Variants in CACNB4 observed in about 807,000 individuals in gnomAD.
CACNB4 encodes calcium voltage-gated channel auxiliary subunit beta 4.
Under a neutral mutation model 71.2 loss-of-function variants are expected in CACNB4, and 32 were observed. The observed-to-expected ratio is 0.45, with a 90% CI of 0.34 to 0.60. CACNB4 has a LOEUF of 0.60. CACNB4 is among the 20% of genes least tolerant of loss of function. The probability of loss-of-function intolerance (pLI) is 0.01; values close to 1 mark genes in which losing one functional copy is unlikely to be tolerated. For missense variants in CACNB4, 464 were observed against 647.9 expected (o/e 0.72, Z 3.08); for synonymous variants, 231 against 236.9 (o/e 0.97, Z 0.23).
intron 2 of CACNB4, among the ~76,000 whole-genome samples, chr2:151,903,475 C>A (rs986037059): frequency 1.3e-5 from 2 of 152,016 alleles, no homozygotes; most frequent in Admixed American, 1.3e-4. Flanking sequence ...GCCAAGACTG[C>A]GCCACAGCAC....
chr2:151,841,952 A>G lies in CACNB4; in HGVS notation c.1253T>C (p.Leu418Ser). The change falls in exon 13 of 14, where the codon TTG (leucine) becomes TCG (serine). Residue 418 changes from leucine (L) to serine (S), a missense_variant. Coordinates refer to ENST00000539935, the MANE Select transcript of CACNB4 (RefSeq NM_000726.5). ...TPMTPLLGRN[L>S]GSTALSPYPT... Reference sequence around the variant, plus strand: ...ATATGGTGAGAGTGCCGTGGAGCCCAAATTCCTTCCCAGCAGCGGGGTCAT... The same window carrying G: ...ATATGGTGAGAGTGCCGTGGAGCCCGAATTCCTTCCCAGCAGCGGGGTCAT... 3 of 1,613,938 alleles carry G rather than the reference A, an allele frequency of 1.9e-6. No individual in the cohort carries two copies. The highest frequency in any genetic ancestry group is 2.5e-6 in the Non-Finnish European group (3 of 1,179,872).
At chr2:152,067,512 G>C (rs919668891) in intron 2 of CACNB4, among the ~76,000 whole-genome samples, 4 of 152,084 alleles carry the variant, frequency 2.6e-5, no homozygotes, top group Non-Finnish European at 4.4e-5. Context: ...TGCCCAGCCT[G>C]ATAATGTATT....
At chr2:152,080,594 G>C (rs1036433840) in intron 2 of CACNB4, among the ~76,000 whole-genome samples, 4 of 152,162 alleles carry the variant, frequency 2.6e-5, no homozygotes, top group African/African-American at 9.7e-5. Flanking sequence ...AGAAAGTTCA[G>C]ACTCAAATCA....
chr2:152,044,621 T>C (rs1211614257), intron 2 of CACNB4, among the ~76,000 whole-genome samples: 1 of 152,234 alleles, frequency 6.6e-6, no homozygotes, highest in Non-Finnish European at 1.5e-5. Context: ...CACATCCTAA[T>C]AATTAAAAAC....
intron 2 of CACNB4, among the ~76,000 whole-genome samples, chr2:152,084,085 G>A (rs529712029): frequency 3.3e-5 from 5 of 152,142 alleles, no homozygotes; most frequent in Non-Finnish European, 5.9e-5. Context: ...ACATCAGTTC[G>A]TGTGGGTCGA....
intron 9 of CACNB4, among the ~76,000 whole-genome samples, chr2:151,862,799 G>A (rs2099842069): frequency 6.6e-6 from 1 of 152,212 alleles, no homozygotes; most frequent in Admixed American, 6.5e-5. Context: ...TGGGTATCGG[G>A]CCAGTGCCAA....
rs1398742015 is a variant in CACNB4 at position 151,837,214 on chromosome 2, A to C, written c.*1905T>G. The C allele has an allele frequency of 6.6e-6, 1 of 151,990 alleles. No individual in the cohort carries two copies. Among genetic ancestry groups the C allele is most frequent in the Non-Finnish European group, 1.5e-5 (1 of 67,886 alleles). The allele number at this position is 151,990 out of a possible 1,614,324, so 9.4% of individuals were successfully genotyped here. A position where few individuals can be genotyped will look rare whatever the true frequency, so the allele number is the denominator to read the frequency against. The stretch of plus-strand genomic sequence containing the variant: ...TCTCACAAGCCAGTATCACATGTTA[A>C]CTTTTAAAATTTACTAAGCCCATAT... On this transcript the variant is annotated 3_prime_UTR_variant, in exon 14 of 14. Transcript: ENST00000539935.
rs553172842 is a variant in CACNB4, at chr2:151,892,222, C to T, written c.148-8852G>A. 5.3e-4 allele frequency among the ~76,000 whole-genome samples: 80 copies of T among 152,230 alleles called. No homozygotes were observed. In the South Asian group the frequency reaches 6.4e-3, roughly 12 times the overall value. ...TGAGAGACGCTTTCTTCTCACATGG[C>T]CCCCAGAGTGGTTTACAAAGCAGCA... On this transcript the variant is annotated intron_variant, in intron 2 of 13. Transcript: ENST00000539935.
At chr2:151,944,482 G>A (rs1167738350) in intron 2 of CACNB4, among the ~76,000 whole-genome samples, 1 of 152,140 alleles carries the variant, frequency 6.6e-6, no homozygotes, top group Non-Finnish European at 1.5e-5. Context: ...TTAAACAGGA[G>A]AGAGACATGA....
At chr2:151,930,032 G>T (rs180733720) in intron 2 of CACNB4, among the ~76,000 whole-genome samples, 1 of 152,038 alleles carries the variant, frequency 6.6e-6, no homozygotes, top group East Asian at 1.9e-4. Flanking sequence ...AAATAAATTC[G>T]TGATAAAGAC....
At chr2:151,912,545 T>C (rs1304617156) in intron 2 of CACNB4, among the ~76,000 whole-genome samples, 1 of 152,260 alleles carries the variant, frequency 6.6e-6, no homozygotes, top group Non-Finnish European at 1.5e-5. Flanking sequence ...TTTCTTATGA[T>C]TTCAGTTCTT....
intron 13 of CACNB4, among the ~76,000 whole-genome samples, chr2:151,840,826 C>T (rs2099836017): frequency 6.6e-6 from 1 of 152,172 alleles, no homozygotes; most frequent in South Asian, 2.1e-4. Flanking sequence ...CATCATGATA[C>T]AAGAGGGCTC....
At chr2:152,004,758 G>A (rs1682630751) in intron 2 of CACNB4, among the ~76,000 whole-genome samples, 1 of 152,214 alleles carries the variant, frequency 6.6e-6, no homozygotes, top group African/African-American at 2.4e-5. Flanking sequence ...TGGGGATAGG[G>A]GAGGAGTCAG....
At chr2:151,877,798 T>C (rs551140035) in intron 4 of CACNB4, among the ~76,000 whole-genome samples, 58 of 152,216 alleles carry the variant, frequency 3.8e-4, no homozygotes, top group Non-Finnish European at 7.5e-4. Flanking sequence ...TTAAGTTAAG[T>C]TCCATGACAA....
At chr2:151,998,315 C>CAAAAAAAAAAAAAAA (rs70974815) in intron 2 of CACNB4, among the ~76,000 whole-genome samples, 3 of 110,702 alleles carry the variant, frequency 2.7e-5, no homozygotes, top group Admixed American at 8.8e-5. Context: ...ACTCCATCTC[C>CAAAAAAAAAAAAAAA]AAAAAAAAAA....
intron 2 of CACNB4, among the ~76,000 whole-genome samples, chr2:151,947,141 G>A (rs2099865794): frequency 6.6e-6 from 1 of 152,196 alleles, no homozygotes; most frequent in Non-Finnish European, 1.5e-5. Flanking sequence ...CAGAAGGAGA[G>A]CCCTCCACAG....
At chr2:151,901,134 C>T (rs1214986506) in intron 2 of CACNB4, among the ~76,000 whole-genome samples, 1 of 151,938 alleles carries the variant, frequency 6.6e-6, no homozygotes, top group East Asian at 1.9e-4. Context: ...GATGGAACTA[C>T]AGGTGTGTGC....
chr2:152,052,878 AG>A (rs1685519711), intron 2 of CACNB4, among the ~76,000 whole-genome samples: 1 of 151,936 alleles, frequency 6.6e-6, no homozygotes, highest in South Asian at 2.1e-4. Context: ...GCTACTTGGG[AG>A]GCTGAGGCAG....
chr2:151,958,820 G>A (rs369352105), intron 2 of CACNB4, among the ~76,000 whole-genome samples: 1 of 152,056 alleles, frequency 6.6e-6, no homozygotes, highest in Non-Finnish European at 1.5e-5. Context: ...CCACTTTCCA[G>A]TTTAAAAATC....
Sources: allele counts gnomAD v4.1 joint callset (sites outside exome capture counted in the v4.1 genomes callset), GRCh38; gene constraint gnomAD v4.1.1; transcripts MANE v1.5; gene names NCBI Gene and HGNC (gene_info 2026-07-23, HGNC 2026-07-21).